HPSE2: variants seen among roughly 807,000 people sequenced by gnomAD.
The protein encoded by HPSE2 is heparanase 2 (inactive), also known as inactive heparanase-2.
A neutral mutation model predicts 60.5 loss-of-function variants in HPSE2; 38 were observed. The observed-to-expected ratio is 0.63, with a 90% CI of 0.48 to 0.82. HPSE2 has a LOEUF of 0.82. HPSE2 is among the 40% of genes least tolerant of loss of function. The probability of loss-of-function intolerance (pLI) is 0.00; values close to 1 mark genes in which losing one functional copy is unlikely to be tolerated. For synonymous variants in HPSE2, 295 were observed against 293.2 expected (o/e 1.01, Z -0.06); for missense variants, 713 against 740.4 (o/e 0.96, Z 0.43).
At chr10:98,587,766 G>A (rs1428349524) in intron 9 of HPSE2, among the ~76,000 whole-genome samples, 1 of 152,030 alleles carries the variant, frequency 6.6e-6, no homozygotes, top group African/African-American at 2.4e-5. Context: ...CTTTGACCTG[G>A]CATTTTTGAG....
chr10:99,022,525 G>A (rs1957285554), intron 3 of HPSE2, among the ~76,000 whole-genome samples: 1 of 152,164 alleles, frequency 6.6e-6, no homozygotes, highest in Non-Finnish European at 1.5e-5. Flanking sequence ...GAGAAGACAA[G>A]GAAGTGCTTG....
intron 2 of HPSE2, among the ~76,000 whole-genome samples, chr10:99,209,860 T>G (rs1307958749): frequency 6.6e-6 from 1 of 152,166 alleles, no homozygotes; most frequent in Non-Finnish European, 1.5e-5. Flanking sequence ...TGGCTAATTT[T>G]TGTATTTTTA....
intron 9 of HPSE2, among the ~76,000 whole-genome samples, chr10:98,553,735 C>T (rs550596038): frequency 6.6e-6 from 1 of 152,300 alleles, no homozygotes; most frequent in East Asian, 1.9e-4. Context: ...TAAAGCCTCT[C>T]CAGTGTCACA....
intron 3 of HPSE2, among the ~76,000 whole-genome samples, chr10:99,132,191 AAGAGAG>A (rs781059893): frequency 1.4e-4 from 10 of 71,898 alleles, no homozygotes; most frequent in African/African-American, 6.4e-4. Context: ...GAAAGAAAGA[AAGAGAG>A]AGAGAGAGAG....
intron 3 of HPSE2, among the ~76,000 whole-genome samples, chr10:99,012,185 T>C (rs1957033132): frequency 6.6e-6 from 1 of 152,092 alleles, no homozygotes; most frequent in Non-Finnish European, 1.5e-5. Flanking sequence ...TGCAGATAAT[T>C]CATTTGATAA....
chr10:98,754,112 T>C (rs1258716409), intron 3 of HPSE2, among the ~76,000 whole-genome samples: 2 of 152,052 alleles, frequency 1.3e-5, no homozygotes, highest in African/African-American at 2.4e-5. Flanking sequence ...AAAAATCCAA[T>C]AAAATGATAC....
At chr10:99,295,448 T>C in the HPSE2 span, among the ~76,000 whole-genome samples, 2 of 152,206 alleles carry the variant, frequency 1.3e-5, no homozygotes, top group East Asian at 1.9e-4. Flanking sequence ...TATGTTGTAA[T>C]GTTAAGTGAA....
chr10:99,134,167 A>G (rs1845555086), intron 3 of HPSE2, among the ~76,000 whole-genome samples: 1 of 152,198 alleles, frequency 6.6e-6, no homozygotes, highest in Non-Finnish European at 1.5e-5. Context: ...ACAAGATTAG[A>G]GAAAAAAGAA....
the HPSE2 span, among the ~76,000 whole-genome samples, chr10:99,291,067 C>T: frequency 6.6e-6 from 1 of 151,940 alleles, no homozygotes; most frequent in Non-Finnish European, 1.5e-5. Context: ...ATGAAGAAGC[C>T]CCCTTCTTAT....
At chr10:98,702,996 A>T (rs1224226686) in intron 5 of HPSE2, among the ~76,000 whole-genome samples, 5 of 152,136 alleles carry the variant, frequency 3.3e-5, no homozygotes, top group African/African-American at 1.2e-4. Flanking sequence ...TGAATCCAGG[A>T]GCTGGTTTTT....
At chr10:99,102,682 A>C (rs1844058277) in intron 3 of HPSE2, among the ~76,000 whole-genome samples, 1 of 152,186 alleles carries the variant, frequency 6.6e-6, no homozygotes, top group Non-Finnish European at 1.5e-5. Flanking sequence ...ACAACAAAAA[A>C]AGAGAATTTT....
chr10:98,816,238 A>G (rs540332550), intron 3 of HPSE2, among the ~76,000 whole-genome samples: 22 of 152,104 alleles, frequency 1.4e-4, no homozygotes, highest in Non-Finnish European at 2.4e-4. Flanking sequence ...AGCCATTACA[A>G]TCTACAGGTT....
intron 3 of HPSE2, among the ~76,000 whole-genome samples, chr10:98,763,780 T>C (rs1272768637): frequency 1.4e-5 from 2 of 145,666 alleles, no homozygotes; most frequent in Non-Finnish European, 3.0e-5. Context: ...CATTTTCAGA[T>C]GAAAAAAAAA....
the HPSE2 span, among the ~76,000 whole-genome samples, chr10:99,303,585 T>G: frequency 6.6e-6 from 1 of 152,182 alleles, no homozygotes; most frequent in East Asian, 1.9e-4. Flanking sequence ...CACACTACTG[T>G]TAAACTTCAG....
intron 5 of HPSE2, among the ~76,000 whole-genome samples, chr10:98,698,738 T>G (rs1269906120): frequency 6.6e-6 from 1 of 150,804 alleles, no homozygotes; most frequent in Admixed American, 6.6e-5. Flanking sequence ...ACTGATAGAC[T>G]GCTAGCAAGA....
chr10:98,823,518 C>G (rs1951471283), intron 3 of HPSE2, among the ~76,000 whole-genome samples: 1 of 152,080 alleles, frequency 6.6e-6, no homozygotes, highest in African/African-American at 2.4e-5. Flanking sequence ...CCCAGCCACT[C>G]AGGAGGCTGA....
chr10:98,689,029 T>C (rs1308206725), intron 6 of HPSE2, among the ~76,000 whole-genome samples: 1 of 152,180 alleles, frequency 6.6e-6, no homozygotes, highest in Non-Finnish European at 1.5e-5. Flanking sequence ...TTTTACGTTA[T>C]TTTTGTTCTC....
At chr10:98,672,821 A>G (rs1947540496) in intron 6 of HPSE2, among the ~76,000 whole-genome samples, 1 of 152,186 alleles carries the variant, frequency 6.6e-6, no homozygotes, top group Non-Finnish European at 1.5e-5. Flanking sequence ...TAAACCTTTA[A>G]AAGGTGAGTG....
At chr10:98,513,111 G>A (rs987059472) in intron 9 of HPSE2, among the ~76,000 whole-genome samples, 1 of 152,110 alleles carries the variant, frequency 6.6e-6, no homozygotes, top group Non-Finnish European at 1.5e-5. Flanking sequence ...TATCCCTAGA[G>A]TCTAACACAG....
Sources: allele counts gnomAD v4.1 joint callset (sites outside exome capture counted in the v4.1 genomes callset), GRCh38; gene constraint gnomAD v4.1.1; transcripts MANE v1.5; gene names NCBI Gene and HGNC (gene_info 2026-07-23, HGNC 2026-07-21).